The following BAZ2B variants were observed in gnomAD, a reference collection of about 807,000 sequenced individuals.
BAZ2B encodes the protein bromodomain adjacent to zinc finger domain 2B, also known as bromodomain adjacent to zinc finger domain protein 2B.
A neutral mutation model predicts 246.0 loss-of-function variants in BAZ2B; 91 were observed. The ratio of observed to expected loss-of-function variants is 0.37; its 90% CI spans 0.31 to 0.44. The LOEUF is 0.44. BAZ2B is among the 20% of genes least tolerant of loss of function. The pLI is 1.00. For synonymous variants in BAZ2B, 855 were observed against 860.0 expected (o/e 0.99, Z 0.10); for missense variants, 2,332 against 2,533.7 (o/e 0.92, Z 1.71).
the BAZ2B span, among the ~76,000 whole-genome samples, chr2:159,631,384 C>G: frequency 6.6e-6 from 1 of 152,032 alleles, no homozygotes; most frequent in Non-Finnish European, 1.5e-5. Flanking sequence ...GAAACAGGGA[C>G]CAGTGTATAG....
chr2:159,401,826 C>T (rs1198296090), intron 16 of BAZ2B, among the ~76,000 whole-genome samples: 2 of 152,062 alleles, frequency 1.3e-5, no homozygotes, highest in Non-Finnish European at 2.9e-5. Flanking sequence ...CAAATTGGCA[C>T]TGATGAGAAT....
chr2:159,668,805 C>T, the BAZ2B span, among the ~76,000 whole-genome samples: 7 of 151,966 alleles, frequency 4.6e-5, 1 homozygote, highest in Admixed American at 4.6e-4. Flanking sequence ...GCCTGTAATC[C>T]CAGCACTTTG....
chr2:159,653,771 T>A, the BAZ2B span, among the ~76,000 whole-genome samples: 15 of 152,136 alleles, frequency 9.9e-5, no homozygotes, highest in African/African-American at 3.4e-4. Context: ...ATTGACAAAC[T>A]CAAATAATAA....
intron 21 of BAZ2B, among the ~76,000 whole-genome samples, chr2:159,387,584 C>G (rs2062794169): frequency 6.6e-6 from 1 of 152,130 alleles, no homozygotes; most frequent in Non-Finnish European, 1.5e-5. Context: ...AATAGCTCAT[C>G]TCATACAAAT....
intron 14 of BAZ2B, among the ~76,000 whole-genome samples, chr2:159,408,746 C>T (rs2066353447): frequency 6.6e-6 from 1 of 152,028 alleles, no homozygotes; most frequent in Non-Finnish European, 1.5e-5. Context: ...TGGTGAAAAC[C>T]GAACTCTACT....
the BAZ2B span, among the ~76,000 whole-genome samples, chr2:159,690,976 T>C: frequency 5.3e-5 from 8 of 152,146 alleles, no homozygotes; most frequent in African/African-American, 1.9e-4. Context: ...CTAGTAAAAA[T>C]GTCCTTGGTG....
chr2:159,563,809 T>C (rs2090106717), intron 1 of BAZ2B, among the ~76,000 whole-genome samples: 1 of 152,218 alleles, frequency 6.6e-6, no homozygotes, highest in Non-Finnish European at 1.5e-5. Context: ...ATGGTAAATT[T>C]AATGTTATAT....
At chr2:159,390,154 T>A (rs1019974432) in intron 20 of BAZ2B, among the ~76,000 whole-genome samples, 1 of 152,184 alleles carries the variant, frequency 6.6e-6, no homozygotes, top group Non-Finnish European at 1.5e-5. Flanking sequence ...AACAGTAGAA[T>A]CATCAGTCAG....
At chr2:159,654,326 G>A in the BAZ2B span, among the ~76,000 whole-genome samples, 1 of 152,070 alleles carries the variant, frequency 6.6e-6, no homozygotes, top group South Asian at 2.1e-4. Flanking sequence ...AGGAGCACAG[G>A]GTTGAAATAT....
At chr2:159,415,805 T>C (rs1455416783) in intron 13 of BAZ2B, among the ~76,000 whole-genome samples, 1 of 152,254 alleles carries the variant, frequency 6.6e-6, no homozygotes, top group Non-Finnish European at 1.5e-5. Flanking sequence ...TAATGGGTAC[T>C]AAATTGTACG....
chr2:159,549,353 T>G (rs1000689537), intron 2 of BAZ2B, among the ~76,000 whole-genome samples: 1 of 152,222 alleles, frequency 6.6e-6, no homozygotes, highest in Admixed American at 6.5e-5. Context: ...CTTTCAAGTC[T>G]ATATGCCTAT....
Position 159,350,033 on chromosome 2 carries a change from G to T in BAZ2B, c.4538C>A (p.Ser1513Ter). The change falls in exon 28 of 37, where the codon TCA becomes TAA. Residue 1513 changes from serine (S) to a stop codon, truncating the protein, a stop_gained. Transcript: ENST00000392783. LOFTEE classifies it high-confidence loss of function. ...TTCCACATTGCTTTGCGTTGCTGTT[G>T]ACTGAACGCTGCCCAGTGAATGTTT... is the stretch of plus-strand genomic sequence containing the variant. Reference protein sequence around the residue: ...SGKHSLGSVQSTATQSNVEKA... With the variant: ...SGKHSLGSVQ The T allele has an allele frequency of 6.2e-7, 1 of 1,614,094 alleles. No homozygotes were observed. Among genetic ancestry groups the T allele is most frequent in the South Asian group, 1.1e-5 (1 of 91,066 alleles).
intron 4 of BAZ2B, among the ~76,000 whole-genome samples, chr2:159,453,095 G>A (rs747552863): frequency 1.1e-4 from 17 of 151,910 alleles, no homozygotes; most frequent in East Asian, 1.9e-4. Flanking sequence ...GCAAGATTTC[G>A]TTTCAGAAAA....
chr2:159,532,953 G>A (rs2085527034), intron 2 of BAZ2B, among the ~76,000 whole-genome samples: 1 of 152,082 alleles, frequency 6.6e-6, no homozygotes, highest in Non-Finnish European at 1.5e-5. Context: ...ACAAAGGTGC[G>A]AAAAACAAAA....
intron 1 of BAZ2B, among the ~76,000 whole-genome samples, chr2:159,613,055 C>A (rs1695026384): frequency 8.4e-6 from 1 of 118,812 alleles, no homozygotes. Flanking sequence ...TACTCAGAGA[C>A]TGTTCTAGAA....
chr2:159,586,569 C>T (rs4665086), intron 1 of BAZ2B, among the ~76,000 whole-genome samples: 140,483 of 152,154 alleles, frequency 0.92, 65,352 homozygotes, highest in East Asian at 1. Context: ...GTTCTGTATA[C>T]ACTGATATAA....
At chr2:159,602,429 A>T (rs1331901813) in intron 1 of BAZ2B, among the ~76,000 whole-genome samples, 1 of 152,230 alleles carries the variant, frequency 6.6e-6, no homozygotes, top group Non-Finnish European at 1.5e-5. Flanking sequence ...TATTAATTAA[A>T]TTATATAAAC....
intron 1 of BAZ2B, among the ~76,000 whole-genome samples, chr2:159,591,702 A>G (rs1054000979): frequency 6.6e-6 from 1 of 152,122 alleles, no homozygotes; most frequent in African/African-American, 2.4e-5. Context: ...CACTCCTACT[A>G]TGGGTGGCCC....
the BAZ2B span, among the ~76,000 whole-genome samples, chr2:159,680,007 G>A: frequency 6.6e-6 from 1 of 152,118 alleles, no homozygotes. Context: ...TCAACAAACT[G>A]TAATCTATAG....
Sources: gnomAD v4.1 joint callset for allele counts (sites outside exome capture counted in the v4.1 genomes callset) on GRCh38, gnomAD v4.1.1 for gene constraint, MANE v1.5 for transcripts, NCBI Gene and HGNC (gene_info 2026-07-23, HGNC 2026-07-21) for gene names.